Variants in SCAPER observed in about 807,000 individuals in gnomAD.
The protein encoded by SCAPER is S-phase cyclin A associated protein in the ER.
A neutral mutation model predicts 182.2 loss-of-function variants in SCAPER; 98 were observed. The observed-to-expected ratio is 0.54, with a 90% CI of 0.46 to 0.64. The LOEUF (loss-of-function observed/expected upper bound fraction) is 0.64. SCAPER is among the 30% of genes least tolerant of loss of function. The pLI, the probability that SCAPER is intolerant of heterozygous loss-of-function variation, is 0.00. For missense variants in SCAPER, 1,432 were observed against 1,690.0 expected, an observed-to-expected ratio of 0.85 and a Z score of 2.68; for synonymous variants, 605 against 564.6, an observed-to-expected ratio of 1.07 and a Z score of -1.01.
chr15:76,741,464 C>T (rs1314951047), intron 15 of SCAPER, among the ~76,000 whole-genome samples: 1 of 151,988 alleles, frequency 6.6e-6, no homozygotes, highest in Non-Finnish European at 1.5e-5. Flanking sequence ...AGAGGCATTA[C>T]AATACCCTCC....
chr15:76,507,191 A>G (rs1203247835), intron 23 of SCAPER, among the ~76,000 whole-genome samples: 1 of 152,166 alleles, frequency 6.6e-6, no homozygotes, highest in African/African-American at 2.4e-5. Flanking sequence ...CTCTGGTCCA[A>G]TATGACTGGC....
chr15:76,525,305 G>A (rs985248491), intron 23 of SCAPER, among the ~76,000 whole-genome samples: 5 of 151,904 alleles, frequency 3.3e-5, no homozygotes, highest in South Asian at 2.1e-4. Flanking sequence ...ATTATATGCC[G>A]TCCTACTATG....
intron 4 of SCAPER, among the ~76,000 whole-genome samples, chr15:76,849,625 G>A (rs139336465): frequency 5.9e-4 from 90 of 152,306 alleles, no homozygotes; most frequent in Non-Finnish European, 9.0e-4. Context: ...GCATTGAGAG[G>A]GAGCAAGGTT....
At chr15:76,695,541 G>A (rs534033692) in intron 20 of SCAPER, among the ~76,000 whole-genome samples, 1 of 150,142 alleles carries the variant, frequency 6.7e-6, no homozygotes, top group South Asian at 2.1e-4. Flanking sequence ...AGGTTGCAGT[G>A]AGCCGAGATC....
intron 17 of SCAPER, among the ~76,000 whole-genome samples, chr15:76,709,178 C>G (rs1316157220): frequency 1.3e-5 from 2 of 152,170 alleles, no homozygotes; most frequent in Non-Finnish European, 2.9e-5. Flanking sequence ...TGTTGCCAGG[C>G]TGGAATGCAG....
At chr15:76,865,525 GAAAT>G (rs1024892852) in intron 2 of SCAPER, among the ~76,000 whole-genome samples, 1 of 152,030 alleles carries the variant, frequency 6.6e-6, no homozygotes, top group African/African-American at 2.4e-5. Context: ...GGAGAACAAA[GAAAT>G]AAATAAACAG....
In SCAPER at chr15:76,363,010, T is replaced by G. The variant is rs569501358; in HGVS notation, c.3856-8870A>C. Among the ~76,000 whole-genome samples the G allele has an allele frequency of 9.8e-5, 15 of 152,294 alleles. 1 individual carries two copies. In the South Asian group the frequency reaches 3.1e-3, roughly 32 times the overall value. On this transcript the variant is annotated intron_variant, in intron 29 of 31. Transcript: ENST00000563290. ...ACCCCAGAAGGCCGTCTGGCAAGTT[T>G]CTAAACACTTATGTCACTGGGACCC...
chr15:76,682,546 T>C (rs1347543317), intron 20 of SCAPER, among the ~76,000 whole-genome samples: 6 of 151,786 alleles, frequency 4.0e-5, no homozygotes, highest in Admixed American at 3.9e-4. Flanking sequence ...TACGCCACCA[T>C]AGCCAACATG....
At chr15:76,550,727 G>A (rs2045696339) in intron 23 of SCAPER, among the ~76,000 whole-genome samples, 1 of 152,160 alleles carries the variant, frequency 6.6e-6, no homozygotes, top group South Asian at 2.1e-4. Context: ...GGACTGCTGG[G>A]TCAAATGGTA....
chr15:76,877,321 A>T (rs1256057218), intron 2 of SCAPER, among the ~76,000 whole-genome samples: 2 of 152,242 alleles, frequency 1.3e-5, no homozygotes, highest in Non-Finnish European at 2.9e-5. Flanking sequence ...AAATAAAATT[A>T]AAAATCAGAG....
At chr15:76,762,379 T>TC (rs1420482715) in intron 14 of SCAPER, among the ~76,000 whole-genome samples, 2 of 151,684 alleles carry the variant, frequency 1.3e-5, no homozygotes, top group African/African-American at 2.4e-5. Flanking sequence ...TTTTTTTTTT[T>TC]TTCTAATGGT....
At chr15:76,623,649 G>A (rs1280872697) in intron 21 of SCAPER, among the ~76,000 whole-genome samples, 1 of 152,138 alleles carries the variant, frequency 6.6e-6, no homozygotes, top group Non-Finnish European at 1.5e-5. Context: ...GGTTACTGTA[G>A]ACTTATAGTA....
intron 15 of SCAPER, among the ~76,000 whole-genome samples, chr15:76,741,743 C>T (rs555834391): frequency 6.6e-6 from 1 of 152,178 alleles, no homozygotes; most frequent in South Asian, 2.1e-4. Context: ...TTTTCCAAAT[C>T]TAGGTTAATG....
chr15:76,764,027 T>A (rs1472008222), intron 14 of SCAPER, among the ~76,000 whole-genome samples: 2 of 152,200 alleles, frequency 1.3e-5, no homozygotes, highest in Non-Finnish European at 2.9e-5. Context: ...ATTTTTCATG[T>A]TCTTTGTATC....
intron 20 of SCAPER, among the ~76,000 whole-genome samples, chr15:76,674,452 T>C (rs1281858610): frequency 6.6e-6 from 1 of 152,204 alleles, no homozygotes; most frequent in Non-Finnish European, 1.5e-5. Context: ...AGTCTTTCAC[T>C]ATGAACTGAA....
intron 5 of SCAPER, among the ~76,000 whole-genome samples, chr15:76,830,214 A>T (rs1356126407): frequency 6.6e-6 from 1 of 152,180 alleles, no homozygotes; most frequent in African/African-American, 2.4e-5. Flanking sequence ...TACATGGGGC[A>T]GAAGGGAGGG....
At chr15:76,760,386 A>C (rs752249062) in intron 14 of SCAPER, among the ~76,000 whole-genome samples, 2 of 152,252 alleles carry the variant, frequency 1.3e-5, no homozygotes, top group Non-Finnish European at 2.9e-5. Flanking sequence ...GCAGATAAAC[A>C]GCCAGATGGA....
intron 5 of SCAPER, among the ~76,000 whole-genome samples, chr15:76,839,587 C>A (rs16968532): frequency 0.067 from 10,188 of 152,282 alleles, 377 homozygotes; most frequent in Middle Eastern, 0.11. Context: ...TCCTAGATTT[C>A]TCAGCATAAG....
At chr15:76,684,197 G>T (rs1207659669) in intron 20 of SCAPER, among the ~76,000 whole-genome samples, 1 of 150,026 alleles carries the variant, frequency 6.7e-6, no homozygotes, top group Non-Finnish European at 1.5e-5. Flanking sequence ...ATGATGACAG[G>T]ATCAAATCTA....
Sources: allele counts gnomAD v4.1 joint callset (sites outside exome capture counted in the v4.1 genomes callset), GRCh38; gene constraint gnomAD v4.1.1; transcripts MANE v1.5; gene names NCBI Gene and HGNC (gene_info 2026-07-23, HGNC 2026-07-21).